The following LPAR5 variants were observed in gnomAD, a reference collection of about 807,000 sequenced individuals.
The protein encoded by LPAR5 is lysophosphatidic acid receptor 5.
For missense variants in LPAR5, 544 were observed against 521.8 expected (o/e 1.04, Z -0.41); for synonymous variants, 271 against 261.6 (o/e 1.04, Z -0.35).
At chr12:6,624,866 C>G (rs768827591) in intron 1 of LPAR5, among the ~76,000 whole-genome samples, 1 of 152,194 alleles carries the variant, frequency 6.6e-6, no homozygotes. Context: ...GTGATCCACC[C>G]GGCTCGGCCT....
intron 1 of LPAR5, among the ~76,000 whole-genome samples, chr12:6,629,164 TC>T (rs1411892238): frequency 7.8e-6 from 1 of 128,550 alleles, no homozygotes; most frequent in Non-Finnish European, 1.6e-5. Flanking sequence ...TTACCTGAGG[TC>T]AGGAGTTCGA....
intron 1 of LPAR5, among the ~76,000 whole-genome samples, chr12:6,633,693 G>A (rs111547369): frequency 0.028 from 4,326 of 152,212 alleles, 80 homozygotes; most frequent in Admixed American, 0.044. Context: ...GATTACAGGC[G>A]TGAGCCACTG....
chr12:6,634,038 G>A (rs574897333), intron 1 of LPAR5, among the ~76,000 whole-genome samples: 4 of 151,330 alleles, frequency 2.6e-5, no homozygotes, highest in Non-Finnish European at 4.4e-5. Flanking sequence ...ATAGAGTCTC[G>A]CTCTGTTGCC....
At position 6,618,870 on chromosome 12, in the gene LPAR5, C is replaced by G. The variant is rs1216555920; in HGVS notation, c.*1260G>C. On this transcript the variant is annotated 3_prime_UTR_variant, in exon 2 of 2. Coordinates refer to ENST00000329858, the MANE Select transcript of LPAR5 (RefSeq NM_020400.6). ...AGTGATTAATTTATTTAGCACTGCC[C>G]TCTCCCCACAGTAATAAAAAGCACT... The G allele has an allele frequency of 6.6e-6, 1 of 152,220 alleles. No individual in the cohort carries two copies. Among genetic ancestry groups the G allele is most frequent in the Non-Finnish European group, 1.5e-5 (1 of 68,056 alleles). 9.4% of individuals were successfully genotyped at this position (152,220 alleles called of 1,614,324 possible).
intron 1 of LPAR5, among the ~76,000 whole-genome samples, chr12:6,632,980 C>G (rs865940495): frequency 3.9e-5 from 6 of 152,218 alleles, no homozygotes; most frequent in South Asian, 2.1e-4. Flanking sequence ...CCACCCTTCT[C>G]TGCTGAAGCC....
At position 6,621,060 on chromosome 12, in the gene LPAR5, G is replaced by A. The variant is rs1010538853; in HGVS notation, c.189C>T (p.Asn63=). 10 of 1,605,652 alleles carry A rather than the reference G, an allele frequency of 6.2e-6. No homozygotes were observed. The African/African-American group carries it at 9.4e-5, about 15-fold the overall frequency. ...VHSVVSVYMC[N]LAASDLLFTL... is the part of the protein sequence containing the mutation. Reference sequence around the variant, plus strand: ...TGAAGAGCAGGTCGCTGGCCGCCAGGTTACACATGTACACGCTCACCACCG... The same window carrying A: ...TGAAGAGCAGGTCGCTGGCCGCCAGATTACACATGTACACGCTCACCACCG... The change falls in exon 2 of 2, where the codon AAC becomes AAT. Residue 63 remains asparagine, a synonymous_variant. Transcript: ENST00000329858.
intron 1 of LPAR5, among the ~76,000 whole-genome samples, chr12:6,634,216 G>A (rs1948997802): frequency 6.6e-6 from 1 of 152,066 alleles, no homozygotes; most frequent in South Asian, 2.1e-4. Context: ...CATGTTGCCT[G>A]GGATGGTCTC....
intron 1 of LPAR5, among the ~76,000 whole-genome samples, chr12:6,627,765 G>T (rs1338124914): frequency 6.6e-6 from 1 of 151,964 alleles, no homozygotes; most frequent in Non-Finnish European, 1.5e-5. Flanking sequence ...TCTGCATTTA[G>T]CAGGTCCTGA....
chr12:6,624,973 C>A (rs1170157043), intron 1 of LPAR5, among the ~76,000 whole-genome samples: 1 of 152,164 alleles, frequency 6.6e-6, no homozygotes, highest in Admixed American at 6.5e-5. Flanking sequence ...ATGTTTTGCT[C>A]ATCCATTCAT....
At position 6,621,043 on chromosome 12, in the gene LPAR5, A is replaced by G. The variant is rs747697599; in HGVS notation, c.206T>C (p.Leu69Pro). 19 of 1,607,034 alleles carry G rather than the reference A, an allele frequency of 1.2e-5. No individual in the cohort carries two copies. Among genetic ancestry groups the G allele is most frequent in the Non-Finnish European group, 1.5e-5 (18 of 1,175,710 alleles). ...AACGGGCAGCGAGAGGGTGAAGAGC[A>G]GGTCGCTGGCCGCCAGGTTACACAT... ...VYMCNLAASD[L>P]LFTLSLPVRL... is the part of the protein sequence containing the mutation. Residue 69 changes from leucine to proline, a missense_variant, in exon 2 of 2, where the codon CTG becomes CCG. By Grantham distance (98) the Leu-to-Pro change is moderately conservative. Transcript: ENST00000329858.
At chr12:6,634,161 G>A (rs763047971) in intron 1 of LPAR5, among the ~76,000 whole-genome samples, 8 of 152,036 alleles carry the variant, frequency 5.3e-5, no homozygotes, top group Non-Finnish European at 1.0e-4. Flanking sequence ...GCGTGCCACC[G>A]TGCCCAACTA....
rs193046902 is a variant in LPAR5 at position 6,632,275 on chromosome 12, T to G, written c.-217+3632A>C. ...CGTGAGCCACTGGACCCGGCCTGCC[T>G]CCTCTTTCAAATAATTCACATCCTG... is the stretch of plus-strand genomic sequence containing the variant. On this transcript the variant is annotated intron_variant, in intron 1 of 1. Transcript: ENST00000329858. 2.6e-3 allele frequency among the ~76,000 whole-genome samples: 392 copies of G among 152,230 alleles called. 1 individual carries two copies. The highest frequency in any genetic ancestry group is 8.8e-3 in the African/African-American group (365 of 41,530).
In LPAR5 at chr12:6,627,422, T is replaced by A. The variant is rs575387562; in HGVS notation, c.-216-5958A>T. Among the ~76,000 whole-genome samples, 277 of 152,166 alleles carry A rather than the reference T, an allele frequency of 1.8e-3. 2 individuals carry two copies. The highest frequency in any genetic ancestry group is 3.0e-3 in the Non-Finnish European group (205 of 68,020). ...CTGGCCAACATGGTGAAACCTCGTC[T>A]CTACTAAAAATACAAACAATTAGCC... On this transcript the variant is annotated intron_variant, in intron 1 of 1. Transcript: ENST00000329858.
At chr12:6,621,506 CTGCACACACAAA>C (rs1293021831) in intron 1 of LPAR5, 42 bp from the exon 2 acceptor site, 3 of 379,842 alleles carry the variant, frequency 7.9e-6, no homozygotes, top group Middle Eastern at 6.8e-4. Flanking sequence ...AGAGACAGGG[CTGCACACACAAA>C]TGTTTAGCTC....
Position 6,619,897 on chromosome 12 carries a change from C to T in LPAR5, c.*233G>A. On this transcript the variant is annotated 3_prime_UTR_variant, in exon 2 of 2. Transcript: ENST00000329858. ...ACGGGTGGGCTCTCTGCATCACTTC[C>T]CACCGCTGGAGAAGGGGTGCTCTGC... The T allele has an allele frequency of 1.4e-6, 1 of 707,494 alleles. No individual in the cohort carries two copies. Among genetic ancestry groups the T allele is most frequent in the African/African-American group, 1.7e-5 (1 of 57,422 alleles). 43.8% of individuals were successfully genotyped at this position (707,494 alleles called of 1,614,324 possible). A position where few individuals can be genotyped will look rare whatever the true frequency, so the allele number is the denominator to read the frequency against.
At chr12:6,623,106 C>A (rs1015171494) in intron 1 of LPAR5, among the ~76,000 whole-genome samples, 5 of 152,132 alleles carry the variant, frequency 3.3e-5, no homozygotes, top group African/African-American at 1.2e-4. Flanking sequence ...GATGTGGTGG[C>A]ATGCACCTGT....
rs1948877777 is a variant in LPAR5, at chr12:6,620,263, A to C, written c.986T>G (p.Leu329Arg). ...TSATNGTRAALAQSERSAVTT... is the reference protein window; with the variant it reads ...TSATNGTRAARAQSERSAVTT... ...GACGGCGGACCTTTCGGATTGCGCGAGCGCCGCCCGCGTCCCGTTGGTGGC... is the reference window on the plus strand; with the variant it reads ...GACGGCGGACCTTTCGGATTGCGCGCGCGCCGCCCGCGTCCCGTTGGTGGC... Residue 329 changes from leucine to arginine, a missense_variant, in exon 2 of 2, where the codon CTC (leucine) becomes CGC (arginine). By Grantham distance (102) the Leu-to-Arg change is moderately radical (BLOSUM62 -2). Transcript: ENST00000329858. The surrounding 1 kb of genome is among the most constrained non-coding windows in gnomAD (Gnocchi z 6.8). 2 of 1,607,228 alleles carry C rather than the reference A, an allele frequency of 1.2e-6. No homozygotes were observed. Among genetic ancestry groups the C allele is most frequent in the Non-Finnish European group, 1.7e-6 (2 of 1,176,830 alleles).
At chr12:6,629,363 G>A (rs1401759468) in intron 1 of LPAR5, among the ~76,000 whole-genome samples, 6 of 131,318 alleles carry the variant, frequency 4.6e-5, no homozygotes, top group Non-Finnish European at 6.3e-5. Context: ...CCAACAGAGC[G>A]AGACTCTGTC....
rs1337043171 is a variant in LPAR5, at chr12:6,619,653, A to G, written c.*477T>C. 6.1e-6 allele frequency: 2 copies of G among 325,870 alleles called. No homozygotes were observed. Among genetic ancestry groups the G allele is most frequent in the South Asian group, 2.6e-5 (1 of 38,596 alleles). 20.2% of individuals were successfully genotyped at this position (325,870 alleles called of 1,614,324 possible). A position where few individuals can be genotyped will look rare whatever the true frequency, so the allele number is the denominator to read the frequency against. ...CCTCAGTGGTGAGCAGGGGAAGCCT[A>G]GGCCGAAATGAAAGGGGGTGGCATC... On this transcript the variant is annotated 3_prime_UTR_variant, in exon 2 of 2. Coordinates refer to ENST00000329858, the MANE Select transcript of LPAR5 (RefSeq NM_020400.6).
Sources: allele counts gnomAD v4.1 joint callset (sites outside exome capture counted in the v4.1 genomes callset), GRCh38; gene constraint gnomAD v4.1.1; non-coding constraint Gnocchi (gnomAD v3.1); transcripts MANE v1.5; gene names NCBI Gene and HGNC (gene_info 2026-07-23, HGNC 2026-07-21).